Variants in SH3GL2 observed in about 807,000 individuals in gnomAD.
SH3GL2 encodes endophilin-A1.
In SH3GL2, 24 loss-of-function variants were observed where a neutral mutation model predicts 46.0. The ratio of observed to expected loss-of-function variants is 0.52; its 90% CI spans 0.38 to 0.73. The LOEUF is 0.73. Among genes scored for constraint, SH3GL2 ranks in the 30% least tolerant of loss-of-function variants. The probability of loss-of-function intolerance (pLI) is 0.00; values close to 1 mark genes in which losing one functional copy is unlikely to be tolerated. For synonymous variants in SH3GL2, 196 were observed against 147.1 expected, an observed-to-expected ratio of 1.33 and a Z score of -2.40; for missense variants, 413 against 424.2, an observed-to-expected ratio of 0.97 and a Z score of 0.23.
chr9:17,613,866 G>T (rs1351678038), intron 1 of SH3GL2, among the ~76,000 whole-genome samples: 2 of 152,088 alleles, frequency 1.3e-5, no homozygotes, highest in Admixed American at 6.5e-5. Context: ...TTCCCTCCTG[G>T]CTGACTAAGC....
At position 17,614,427 on chromosome 9, in the gene SH3GL2, T is replaced by A. The variant is rs570836462; in HGVS notation, c.45+35140T>A. Among the ~76,000 whole-genome samples, 15 of 151,718 alleles carry A rather than the reference T, an allele frequency of 9.9e-5. 1 individual carries two copies. Among genetic ancestry groups the A allele is most frequent in the Middle Eastern group, 3.4e-3 (1 of 294 alleles). On this transcript the variant is annotated intron_variant, in intron 1 of 8. Transcript: ENST00000380607. ...GATTGAGCCCTTGTGTCAAGGAAAT[T>A]GACTTGGCTGGATTTCAGGGATCCC...
chr9:17,630,502 C>T (rs4504735), intron 1 of SH3GL2: 127,134 of 152,220 alleles, frequency 0.84, 55,222 homozygotes, highest in East Asian at 0.99. Flanking sequence ...CAAGTGATCA[C>T]GCGTATCAAT....
intron 1 of SH3GL2, among the ~76,000 whole-genome samples, chr9:17,636,947 G>A (rs1481573221): frequency 1.3e-5 from 2 of 152,212 alleles, no homozygotes; most frequent in African/African-American, 4.8e-5. Context: ...CATGTGTGAT[G>A]TGTTGTTATT....
intron 3 of SH3GL2, among the ~76,000 whole-genome samples, chr9:17,768,367 TC>T (rs1823376691): frequency 9.5e-6 from 1 of 105,330 alleles, no homozygotes. Context: ...CGGGACTCTG[TC>T]TCAAAAAAAA....
At chr9:17,714,845 A>G (rs1246168488) in intron 1 of SH3GL2, among the ~76,000 whole-genome samples, 1 of 151,424 alleles carries the variant, frequency 6.6e-6, no homozygotes, top group Admixed American at 6.6e-5. Context: ...GTAGATCCAG[A>G]TTTTCATCTG....
intron 1 of SH3GL2, among the ~76,000 whole-genome samples, chr9:17,657,213 C>CA (rs1820106747): frequency 6.6e-6 from 1 of 152,186 alleles, no homozygotes; most frequent in East Asian, 1.9e-4. Flanking sequence ...TAGTGAATAA[C>CA]AGACACCTGC....
chr9:17,728,501 A>C (rs757298758), intron 1 of SH3GL2, among the ~76,000 whole-genome samples: 3 of 152,104 alleles, frequency 2.0e-5, no homozygotes, highest in Non-Finnish European at 4.4e-5. Context: ...TTATACTTTA[A>C]GTTCTGGGAT....
chr9:17,751,173 C>T (rs1822832503), intron 2 of SH3GL2, among the ~76,000 whole-genome samples: 1 of 152,090 alleles, frequency 6.6e-6, no homozygotes, highest in African/African-American at 2.4e-5. Flanking sequence ...AAATGGGATT[C>T]TTTTTAAGGA....
intron 1 of SH3GL2, among the ~76,000 whole-genome samples, chr9:17,580,184 C>T (rs1201799191): frequency 1.3e-5 from 2 of 152,154 alleles, no homozygotes; most frequent in Non-Finnish European, 2.9e-5. Context: ...GTGATTACTA[C>T]TTTTTTATCC....
chr9:17,703,193 A>G (rs1821380154), intron 1 of SH3GL2, among the ~76,000 whole-genome samples: 1 of 152,034 alleles, frequency 6.6e-6, no homozygotes, highest in East Asian at 1.9e-4. Flanking sequence ...AATGAGCTGC[A>G]TTATTTGGGT....
At chr9:17,605,673 G>T (rs1455541817) in intron 1 of SH3GL2, among the ~76,000 whole-genome samples, 1 of 152,100 alleles carries the variant, frequency 6.6e-6, no homozygotes, top group Non-Finnish European at 1.5e-5. Flanking sequence ...AAATGTGTTT[G>T]TATGTTTGTG....
chr9:17,588,019 C>G (rs936363740), intron 1 of SH3GL2, among the ~76,000 whole-genome samples: 2 of 152,108 alleles, frequency 1.3e-5, no homozygotes, highest in Admixed American at 6.5e-5. Flanking sequence ...ATCCAGTAGA[C>G]TTGGTTGTGT....
chr9:17,749,894 T>C (rs141156390), intron 2 of SH3GL2, among the ~76,000 whole-genome samples: 1,910 of 152,328 alleles, frequency 0.013, 37 homozygotes, highest in African/African-American at 0.044. Context: ...TCTGAAACTT[T>C]TATTTCAAAA....
At chr9:17,649,421 TCACATTAGCTTACAAATAC>T (rs1449101950) in intron 1 of SH3GL2, among the ~76,000 whole-genome samples, 10 of 152,186 alleles carry the variant, frequency 6.6e-5, no homozygotes, top group Admixed American at 6.5e-4. Context: ...ATTAAACCAC[TCACATTAGCTTACAAATAC>T]TACATTCTGA....
intron 1 of SH3GL2, among the ~76,000 whole-genome samples, chr9:17,602,568 C>G (rs957677563): frequency 2.6e-5 from 4 of 152,152 alleles, no homozygotes; most frequent in South Asian, 4.1e-4. Flanking sequence ...CTTGACCCCT[C>G]AAATGAGGAG....
chr9:17,675,334 A>G (rs958457583), intron 1 of SH3GL2, among the ~76,000 whole-genome samples: 2 of 152,220 alleles, frequency 1.3e-5, no homozygotes, highest in African/African-American at 4.8e-5. Context: ...TCAAGTATAC[A>G]GGGAAGTGAA....
intron 1 of SH3GL2, among the ~76,000 whole-genome samples, chr9:17,620,826 A>G (rs906889790): frequency 6.6e-6 from 1 of 152,172 alleles, no homozygotes; most frequent in Non-Finnish European, 1.5e-5. Context: ...GTAGGAAAGA[A>G]TGAGGAGCAT....
At position 17,796,090 on chromosome 9, in the gene SH3GL2, C is replaced by T. The variant is rs1310379196; in HGVS notation, c.*347C>T. ...ATCCCACCGAAGATATTGTCTATCA[C>T]CCCAGGGGCCATCTGAAGGTCTCTT... is the stretch of plus-strand genomic sequence containing the variant. On this transcript the variant is annotated 3_prime_UTR_variant, in exon 9 of 9. Coordinates refer to ENST00000380607, the MANE Select transcript of SH3GL2 (RefSeq NM_003026.5). 2 of 213,736 alleles carry T rather than the reference C, an allele frequency of 9.4e-6. No individual in the cohort carries two copies. Among genetic ancestry groups the T allele is most frequent in the African/African-American group, 4.5e-5 (2 of 44,300 alleles). 13.2% of individuals were successfully genotyped at this position (213,736 alleles called of 1,614,324 possible). A position where few individuals can be genotyped will look rare whatever the true frequency, so the allele number is the denominator to read the frequency against.
At chr9:17,690,467 A>G (rs979501728) in intron 1 of SH3GL2, among the ~76,000 whole-genome samples, 46 of 152,098 alleles carry the variant, frequency 3.0e-4, no homozygotes, top group Admixed American at 3.0e-3. Flanking sequence ...TTTAGACTTG[A>G]CAACATCACT....
Sources: allele counts gnomAD v4.1 joint callset (sites outside exome capture counted in the v4.1 genomes callset), GRCh38; gene constraint gnomAD v4.1.1; transcripts MANE v1.5; gene names NCBI Gene and HGNC (gene_info 2026-07-23, HGNC 2026-07-21).